PTPRD: variants seen among roughly 807,000 people sequenced by gnomAD.
PTPRD encodes protein tyrosine phosphatase receptor type D, also known as receptor-type tyrosine-protein phosphatase delta.
In PTPRD, 34 loss-of-function variants were observed where a neutral mutation model predicts 214.5. That is an observed-to-expected ratio of 0.16 (90% CI 0.12 to 0.21). The LOEUF (loss-of-function observed/expected upper bound fraction) is 0.21, where lower values mean the gene tolerates loss of function less well. Among genes scored for constraint, PTPRD ranks in the 10% least tolerant of loss-of-function variants. The pLI, the probability that PTPRD is intolerant of heterozygous loss-of-function variation, is 1.00. For missense variants in PTPRD, 2,545 were observed against 2,398.7 expected (o/e 1.06, Z -1.27); for synonymous variants, 1,128 against 845.7 (o/e 1.33, Z -5.79).
At chr9:8,475,550 G>A (rs995338781) in intron 30 of PTPRD, among the ~76,000 whole-genome samples, 34 of 152,168 alleles carry the variant, frequency 2.2e-4, no homozygotes, top group African/African-American at 8.2e-4. Flanking sequence ...AGCCAAGAAT[G>A]TTCTTCTGAA....
At chr9:8,443,702 T>C (rs1285019926) in intron 34 of PTPRD, among the ~76,000 whole-genome samples, 1 of 152,122 alleles carries the variant, frequency 6.6e-6, no homozygotes, top group African/African-American at 2.4e-5. Flanking sequence ...GGAGGAGGTA[T>C]GAACAGGGAC....
At chr9:8,532,420 C>T (rs551597085) in intron 14 of PTPRD, among the ~76,000 whole-genome samples, 3 of 152,114 alleles carry the variant, frequency 2.0e-5, no homozygotes, top group African/African-American at 4.8e-5. Flanking sequence ...TCAATTTTGA[C>T]GGCTCCTCAA....
chr9:8,926,939 C>T (rs1470279931), intron 11 of PTPRD, among the ~76,000 whole-genome samples: 2 of 152,100 alleles, frequency 1.3e-5, no homozygotes, highest in Non-Finnish European at 2.9e-5. Context: ...AATGATGAGT[C>T]AGTTTACATT....
chr9:8,704,595 T>C (rs1327714464), intron 12 of PTPRD, among the ~76,000 whole-genome samples: 3 of 152,098 alleles, frequency 2.0e-5, no homozygotes, highest in African/African-American at 7.2e-5. Context: ...GTCTGTACAC[T>C]ATCAAAGCAC....
chr9:9,333,504 T>TTTTATATATATATATATATA (rs544075539), intron 9 of PTPRD, among the ~76,000 whole-genome samples: 1 of 137,246 alleles, frequency 7.3e-6, no homozygotes, highest in African/African-American at 2.9e-5. Context: ...ATATAGTATA[T>TTTTATATATATATATATATA]TATATATATA....
At chr9:9,570,614 T>G (rs1023148902) in intron 8 of PTPRD, among the ~76,000 whole-genome samples, 3 of 151,606 alleles carry the variant, frequency 2.0e-5, no homozygotes, top group Admixed American at 6.6e-5. Context: ...TAGTGCTACT[T>G]AAAGTCTTAG....
At chr9:8,550,214 C>A (rs1487235114) in intron 14 of PTPRD, among the ~76,000 whole-genome samples, 1 of 151,962 alleles carries the variant, frequency 6.6e-6, no homozygotes, top group Non-Finnish European at 1.5e-5. Context: ...TTAAATAGGC[C>A]TACATTCCAA....
intron 12 of PTPRD, among the ~76,000 whole-genome samples, chr9:8,696,237 T>G (rs973096873): frequency 6.6e-6 from 1 of 152,178 alleles, no homozygotes; most frequent in African/African-American, 2.4e-5. Flanking sequence ...TCTACCATTC[T>G]TGCTTTCCAA....
At chr9:9,302,214 C>A (rs1416140794) in intron 9 of PTPRD, among the ~76,000 whole-genome samples, 1 of 151,714 alleles carries the variant, frequency 6.6e-6, no homozygotes, top group Non-Finnish European at 1.5e-5. Context: ...TGCTTTTTTT[C>A]CCGAAAATAT....
At chr9:8,985,166 C>T (rs1233980589) in intron 11 of PTPRD, among the ~76,000 whole-genome samples, 1 of 152,026 alleles carries the variant, frequency 6.6e-6, no homozygotes, top group African/African-American at 2.4e-5. Context: ...ATTTGAAATA[C>T]ATATTGTTTA....
chr9:10,324,605 A>G (rs1462260132), intron 3 of PTPRD, among the ~76,000 whole-genome samples: 1 of 151,986 alleles, frequency 6.6e-6, no homozygotes, highest in Non-Finnish European at 1.5e-5. Context: ...CACTCCTTCA[A>G]TGGCTTCATA....
intron 3 of PTPRD, among the ~76,000 whole-genome samples, chr9:10,295,862 G>A (rs912296595): frequency 3.3e-5 from 5 of 152,076 alleles, no homozygotes; most frequent in African/African-American, 1.2e-4. Flanking sequence ...ATTGTGTGTG[G>A]GGCTTTCTGT....
At chr9:8,345,669 TC>T (rs1008180251) in intron 39 of PTPRD, among the ~76,000 whole-genome samples, 1 of 152,064 alleles carries the variant, frequency 6.6e-6, no homozygotes, top group Non-Finnish European at 1.5e-5. Flanking sequence ...AATAATTGTA[TC>T]ATGATCCTGT....
intron 8 of PTPRD, among the ~76,000 whole-genome samples, chr9:9,466,301 C>G (rs1480792977): frequency 6.6e-6 from 1 of 151,828 alleles, no homozygotes; most frequent in Non-Finnish European, 1.5e-5. Flanking sequence ...AGAGTGACAC[C>G]CTGTCTCTAA....
intron 3 of PTPRD, among the ~76,000 whole-genome samples, chr9:10,186,817 T>C (rs1196713870): frequency 6.6e-6 from 1 of 152,056 alleles, no homozygotes; most frequent in East Asian, 1.9e-4. Flanking sequence ...TGGGGAAGAC[T>C]ACTGAAAAAC....
chr9:10,601,079 C>G (rs1327251742), intron 2 of PTPRD, among the ~76,000 whole-genome samples: 1 of 151,620 alleles, frequency 6.6e-6, no homozygotes, highest in Non-Finnish European at 1.5e-5. Context: ...AATGAAGATT[C>G]CTTGATGTCA....
chr9:9,099,999 C>T (rs947462296), intron 10 of PTPRD, among the ~76,000 whole-genome samples: 3 of 152,032 alleles, frequency 2.0e-5, no homozygotes, highest in African/African-American at 4.8e-5. Context: ...TATAAAAGTG[C>T]TTTAAAGAAA....
intron 39 of PTPRD, among the ~76,000 whole-genome samples, chr9:8,361,328 G>A (rs1194360889): frequency 6.6e-6 from 1 of 152,140 alleles, no homozygotes; most frequent in Non-Finnish European, 1.5e-5. Context: ...TAAAAGTAAA[G>A]GTGCTGAGTG....
chr9:8,416,287 T>C (rs2093931754), intron 35 of PTPRD, among the ~76,000 whole-genome samples: 1 of 152,182 alleles, frequency 6.6e-6, no homozygotes, highest in South Asian at 2.1e-4. Context: ...TGTATACACA[T>C]GCACTGCATA....
Sources: allele counts gnomAD v4.1 joint callset (sites outside exome capture counted in the v4.1 genomes callset), GRCh38; gene constraint gnomAD v4.1.1; transcripts MANE v1.5; gene names NCBI Gene and HGNC (gene_info 2026-07-23, HGNC 2026-07-21).